The following OLAH variants were observed in gnomAD, a reference collection of about 807,000 sequenced individuals.
OLAH encodes S-acyl fatty acid synthase thioesterase, medium chain.
Under a neutral mutation model 27.8 loss-of-function variants are expected in OLAH, and 33 were observed. The observed-to-expected ratio is 1.19, with a 90% confidence interval of 0.90 to 1.59. The LOEUF (loss-of-function observed/expected upper bound fraction) is 1.59, where lower values mean the gene tolerates loss of function less well. Among genes scored for constraint, OLAH ranks in the 40% most tolerant of loss-of-function variants. OLAH has a pLI of 0.00. For synonymous variants in OLAH, 120 were observed against 102.9 expected (o/e 1.17, Z -1.01); for missense variants, 359 against 310.8 (o/e 1.16, Z -1.17).
intron 3 of OLAH, among the ~76,000 whole-genome samples, chr10:15,052,804 G>A (rs1033761616): frequency 2.1e-5 from 3 of 141,860 alleles, no homozygotes; most frequent in African/African-American, 7.9e-5. Flanking sequence ...GTGCAGTGGC[G>A]TGATCTCGGC....
intron 6 of OLAH, among the ~76,000 whole-genome samples, chr10:15,066,922 G>A (rs1435067763): frequency 2.0e-5 from 3 of 152,170 alleles, no homozygotes; most frequent in South Asian, 4.1e-4. Context: ...TTATAGGCGT[G>A]AGCCACTGTG....
Position 15,062,740 on chromosome 10 carries a change from T to TC in OLAH, c.302+879dup, listed in dbSNP as rs1491520637. ...TTATAAACAATAGTCCAGTGAACATTCTTTTTTTTTTTTTTTGAGACAGAG... is the reference window on the plus strand; with the variant it reads ...TTATAAACAATAGTCCAGTGAACATTCCTTTTTTTTTTTTTTTGAGACAGAG... On this transcript the variant is annotated intron_variant, in intron 4 of 7. Transcript: ENST00000378228. 3.0e-3 allele frequency among the ~76,000 whole-genome samples: 451 copies of TC among 151,576 alleles called. 1 individual carries two copies. Among genetic ancestry groups the TC allele is most frequent in the African/African-American group, 0.01 (426 of 41,306 alleles).
chr10:15,046,199 A>T (rs1844013455), intron 1 of OLAH, among the ~76,000 whole-genome samples: 1 of 151,570 alleles, frequency 6.6e-6, no homozygotes, highest in Admixed American at 6.6e-5. Context: ...TACAAAAGTT[A>T]TCTGGGCGCA....
In OLAH at chr10:15,073,613, TCGC is replaced by T. The variant is rs1414010398; in HGVS notation, c.*385_*387del. On this transcript the variant is annotated 3_prime_UTR_variant, in exon 8 of 8. Coordinates refer to ENST00000378228, the MANE Select transcript of OLAH (RefSeq NM_001039702.3). ...AGGTGGAGCTTGCAGTGAACCGAGATCGCTCCACTGCACTCCAGCCTGGGTGAC... is the reference window on the plus strand; with the variant it reads ...AGGTGGAGCTTGCAGTGAACCGAGATTCCACTGCACTCCAGCCTGGGTGAC... The T allele has an allele frequency of 6.8e-6, 1 of 146,504 alleles. No individual in the cohort carries two copies. The highest frequency in any genetic ancestry group is 1.4e-5 in the Non-Finnish European group (1 of 69,554). 9.1% of individuals were successfully genotyped at this position (146,504 alleles called of 1,614,324 possible). A position where few individuals can be genotyped will look rare whatever the true frequency, so the allele number is the denominator to read the frequency against.
At chr10:15,039,197 G>A (rs919547795), upstream of OLAH, among the ~76,000 whole-genome samples, 1 of 152,048 alleles carries the variant, frequency 6.6e-6, no homozygotes, top group Non-Finnish European at 1.5e-5. Flanking sequence ...CTGCACGCCA[G>A]TCTGAGTGAC....
chr10:15,045,195 G>A (rs1466822725), intron 1 of OLAH, among the ~76,000 whole-genome samples: 1 of 152,164 alleles, frequency 6.6e-6, no homozygotes, highest in African/African-American at 2.4e-5. Flanking sequence ...CTTGGACAGT[G>A]GTTAAATGTT....
chr10:15,064,458 C>T lies in OLAH; in HGVS notation c.358C>T (p.Pro120Ser), dbSNP rs1396253595. The T allele has an allele frequency of 1.3e-6, 2 of 1,596,036 alleles. No homozygotes were observed. Among genetic ancestry groups the T allele is most frequent in the South Asian group, 1.1e-5 (1 of 87,056 alleles). The change falls in exon 5 of 8, where the codon CCA (proline) becomes TCA (serine). Residue 120 changes from proline to serine, a missense_variant. Coordinates refer to ENST00000378228, the MANE Select transcript of OLAH (RefSeq NM_001039702.3). ...TALGLKENNQ[P>S]EPLHLFLSSA... is the part of the protein sequence containing the mutation. ...ACTAGGTCTAAAAGAAAACAATCAA[C>T]CAGAACCATTGCATTTATTTTTGTC...
chr10:15,056,424 T>G (rs1168732278), intron 3 of OLAH, among the ~76,000 whole-genome samples: 2 of 152,140 alleles, frequency 1.3e-5, no homozygotes, highest in Admixed American at 1.3e-4. Flanking sequence ...TACCAAGCAG[T>G]ATAGGAAAAT....
At chr10:15,051,843 G>T (rs531561320) in intron 3 of OLAH, among the ~76,000 whole-genome samples, 1 of 152,010 alleles carries the variant, frequency 6.6e-6, no homozygotes, top group South Asian at 2.1e-4. Flanking sequence ...TTCTGTAAAC[G>T]GCCCAATAGT....
chr10:15,061,782 C>A lies in OLAH; in HGVS notation c.222C>A (p.Asp74Glu), dbSNP rs767379357. The change falls in exon 4 of 8, where the codon GAC becomes GAA. Residue 74 changes from aspartate to glutamate, a missense_variant. Asp to Glu is a conservative substitution (Grantham distance 45). Coordinates refer to ENST00000378228, the MANE Select transcript of OLAH (RefSeq NM_001039702.3). ...GAGTTGAAGAACCTCTTGAAAATGA[C>A]ATCTCCCAGTTAGTTGATGAAGTTG... ...ESRVEEPLEN[D>E]ISQLVDEVVC... is the part of the protein sequence containing the mutation. The A allele has an allele frequency of 3.1e-6, 5 of 1,613,832 alleles. No individual in the cohort carries two copies. In the South Asian group the frequency reaches 4.4e-5, roughly 14 times the overall value.
intron 3 of OLAH, among the ~76,000 whole-genome samples, chr10:15,056,328 G>A (rs1185267573): frequency 6.6e-6 from 1 of 152,142 alleles, no homozygotes; most frequent in Non-Finnish European, 1.5e-5. Flanking sequence ...TCTAGGAATG[G>A]AATTTCTGGG....
intron 1 of OLAH, among the ~76,000 whole-genome samples, chr10:15,034,101 C>CGTTTT (rs766869532): frequency 7.2e-6 from 1 of 139,376 alleles, no homozygotes; most frequent in Non-Finnish European, 1.5e-5. Flanking sequence ...CAGACTCCAC[C>CGTTTT]ATTTTTTTTT....
intron 7 of OLAH, 48 bp from the exon 8 acceptor site, chr10:15,073,039 T>A (rs1564537128): frequency 6.4e-7 from 1 of 1,572,772 alleles, no homozygotes; most frequent in Non-Finnish European, 8.7e-7. Flanking sequence ...ATGTGAATCT[T>A]TAGTTGCTGT....
At chr10:15,066,626 T>C (rs1217528761) in intron 6 of OLAH, among the ~76,000 whole-genome samples, 2 of 46,594 alleles carry the variant, frequency 4.3e-5, no homozygotes, top group East Asian at 2.3e-3. Context: ...TATTTATTTA[T>C]TTATTTATTT....
chr10:15,054,709 A>G (rs1238231128), intron 3 of OLAH, among the ~76,000 whole-genome samples: 1 of 151,886 alleles, frequency 6.6e-6, no homozygotes. Context: ...CTTGTACTCC[A>G]TATCTAATTC....
intron 2 of OLAH, among the ~76,000 whole-genome samples, chr10:15,048,321 A>G (rs940486494): frequency 3.9e-5 from 6 of 151,988 alleles, no homozygotes; most frequent in Non-Finnish European, 5.9e-5. Context: ...GGGTTCAAGT[A>G]ATCCTCCTGC....
chr10:15,056,186 T>C (rs1844241109), intron 3 of OLAH, among the ~76,000 whole-genome samples: 1 of 152,194 alleles, frequency 6.6e-6, no homozygotes, highest in Non-Finnish European at 1.5e-5. Flanking sequence ...ATTGTGTGAC[T>C]ATAACACAAT....
chr10:15,043,919 T>A (rs1843966477), upstream of OLAH: 1 of 152,262 alleles, frequency 6.6e-6, no homozygotes, highest in African/African-American at 2.4e-5. Flanking sequence ...TGTCCTCTCT[T>A]TCTTTGGCAA....
intron 1 of OLAH, among the ~76,000 whole-genome samples, chr10:15,045,093 G>C (rs1260440748): frequency 1.3e-5 from 2 of 152,166 alleles, no homozygotes; most frequent in South Asian, 2.1e-4. Flanking sequence ...CTTGAGGAGA[G>C]AGTCACTGTT....
Sources: gnomAD v4.1 joint callset for allele counts (sites outside exome capture counted in the v4.1 genomes callset) on GRCh38, gnomAD v4.1.1 for gene constraint, MANE v1.5 for transcripts, NCBI Gene and HGNC (gene_info 2026-07-23, HGNC 2026-07-21) for gene names.